DIP2C: variants seen among roughly 807,000 people sequenced by gnomAD.
DIP2C encodes disco-interacting protein 2 homolog C.
DIP2C carries 33 observed loss-of-function variants against 192.4 expected under a neutral mutation model. The observed-to-expected ratio is 0.17, with a 90% CI of 0.13 to 0.23. The LOEUF (loss-of-function observed/expected upper bound fraction) is 0.23. DIP2C is among the 10% of genes least tolerant of loss of function. DIP2C has a pLI of 1.00. For synonymous variants in DIP2C, 979 were observed against 864.1 expected (o/e 1.13, Z -2.33); for missense variants, 1,537 against 2,110.1 (o/e 0.73, Z 5.32).
At chr10:546,309 T>G (rs1180239420) in intron 1 of DIP2C, among the ~76,000 whole-genome samples, 1 of 151,868 alleles carries the variant, frequency 6.6e-6, no homozygotes, top group East Asian at 1.9e-4. Flanking sequence ...CAAATTTATT[T>G]TAAAATAATA....
rs145711330 is a variant in DIP2C at position 364,415 on chromosome 10, A to G, written c.2436T>C (p.Thr812=). ...ACTTCATGGGTTCTACGGCCAGCGC[A>G]GTGGCCACGATGTCGTCGGCGTTGT... ...RRHNADDIVA[T]ALAVEPMKFV... is the part of the protein sequence containing the mutation. The change falls in exon 20 of 37, where the codon ACT becomes ACC. Residue 812 remains threonine (T), a synonymous_variant. Transcript: ENST00000280886. 1.4e-4 allele frequency: 220 copies of G among 1,613,928 alleles called. No individual in the cohort carries two copies. The highest frequency in any genetic ancestry group is 1.6e-4 in the Non-Finnish European group (192 of 1,180,044).
At chr10:550,486 G>A (rs374089198) in intron 1 of DIP2C, among the ~76,000 whole-genome samples, 3 of 152,034 alleles carry the variant, frequency 2.0e-5, no homozygotes, top group Admixed American at 6.6e-5. Flanking sequence ...AGATCATCTC[G>A]GCATCTTTAT....
chr10:308,450 T>C (rs1451877978), intron 32 of DIP2C, among the ~76,000 whole-genome samples: 1 of 149,664 alleles, frequency 6.7e-6, no homozygotes, highest in East Asian at 1.9e-4. Context: ...ACTGCATACA[T>C]GTGTTATTGA....
At chr10:459,760 C>CCA (rs1969605292) in intron 3 of DIP2C, among the ~76,000 whole-genome samples, 1 of 143,542 alleles carries the variant, frequency 7.0e-6, no homozygotes, top group African/African-American at 2.6e-5. Flanking sequence ...GATCTTCCTC[C>CCA]CAGTCACATC....
chr10:438,087 GTTT>G (rs762906093), intron 4 of DIP2C, among the ~76,000 whole-genome samples: 6 of 152,118 alleles, frequency 3.9e-5, no homozygotes, highest in African/African-American at 1.2e-4. Context: ...TTTACAGAAG[GTTT>G]TTTATGGTTT....
At chr10:396,296 GA>G (rs1256941433) in intron 10 of DIP2C, among the ~76,000 whole-genome samples, 1 of 152,142 alleles carries the variant, frequency 6.6e-6, no homozygotes, top group Non-Finnish European at 1.5e-5. Flanking sequence ...GAGATAATAG[GA>G]TGGCATTTCT....
chr10:629,291 C>T (rs1191748681), intron 1 of DIP2C, among the ~76,000 whole-genome samples: 2 of 152,146 alleles, frequency 1.3e-5, no homozygotes, highest in Non-Finnish European at 2.9e-5. Flanking sequence ...GACAAAACTG[C>T]TCCAGAGCCA....
At chr10:672,277 G>A (rs979772231) in intron 1 of DIP2C, among the ~76,000 whole-genome samples, 2 of 151,948 alleles carry the variant, frequency 1.3e-5, no homozygotes, top group African/African-American at 2.4e-5. Context: ...AGGCACGCAC[G>A]GAGAAAACAG....
At chr10:441,407 C>A (rs7915551) in intron 3 of DIP2C, among the ~76,000 whole-genome samples, 24,236 of 152,144 alleles carry the variant, frequency 0.16, 5,000 homozygotes, top group African/African-American at 0.48. Flanking sequence ...GCACCAGCCA[C>A]AGGCCAGGAC....
At chr10:658,977 C>T (rs556194921) in intron 1 of DIP2C, among the ~76,000 whole-genome samples, 52 of 152,184 alleles carry the variant, frequency 3.4e-4, no homozygotes, top group East Asian at 1.5e-3. Flanking sequence ...CACACACATG[C>T]GCACACACAC....
chr10:510,413 T>G (rs1211545850), intron 1 of DIP2C, among the ~76,000 whole-genome samples: 1 of 152,226 alleles, frequency 6.6e-6, no homozygotes, highest in African/African-American at 2.4e-5. Context: ...ATATTTAGCC[T>G]GAACGTGCAC....
intron 1 of DIP2C, among the ~76,000 whole-genome samples, chr10:603,924 C>G (rs888318703): frequency 6.0e-5 from 9 of 150,722 alleles, no homozygotes; most frequent in Non-Finnish European, 4.4e-5. Flanking sequence ...CTCAGCCCCA[C>G]ACCCCTCCGG....
chr10:526,015 G>T (rs761518031), intron 1 of DIP2C, among the ~76,000 whole-genome samples: 1 of 152,188 alleles, frequency 6.6e-6, no homozygotes. Context: ...CTTCTGCAAC[G>T]CCTGGCGTGG....
At chr10:412,672 G>GAGC (rs1338077516) in intron 8 of DIP2C, among the ~76,000 whole-genome samples, 3 of 152,146 alleles carry the variant, frequency 2.0e-5, no homozygotes, top group African/African-American at 7.2e-5. Context: ...CTGCCTCCCA[G>GAGC]AGCCCCACCC....
At position 377,410 on chromosome 10, in the gene DIP2C, C is replaced by T. The variant is rs571786596; in HGVS notation, c.1991+5237G>A. 2.0e-4 allele frequency among the ~76,000 whole-genome samples: 30 copies of T among 152,254 alleles called. No homozygotes were observed. The South Asian group carries it at 3.7e-3, about 19-fold the overall frequency. Reference sequence around the variant, plus strand: ...AAAACAGAACACACTGTAAAACGCACGTGGTTGGGTGAAATTAAACAGGAA... The same window carrying T: ...AAAACAGAACACACTGTAAAACGCATGTGGTTGGGTGAAATTAAACAGGAA... On this transcript the variant is annotated intron_variant, in intron 17 of 36. Coordinates refer to ENST00000280886, the MANE Select transcript of DIP2C (RefSeq NM_014974.3).
In DIP2C at chr10:364,525, C is replaced by T; in HGVS notation, c.2326G>A (p.Gly776Ser). 1.2e-6 allele frequency: 2 copies of T among 1,614,174 alleles called. No individual in the cohort carries two copies. The highest frequency in any genetic ancestry group is 1.3e-5 in the African/African-American group (1 of 75,032). Reference sequence around the variant, plus strand: ...CCGGGACCCACGAACCCCAGCAAGCCTGTCCTTATGAATGGGTATTCACTG... The same window carrying T: ...CCGGGACCCACGAACCCCAGCAAGCTTGTCCTTATGAATGGGTATTCACTG... ...PISEYPFIRT[G>S]LLGFVGPGGL... The change falls in exon 20 of 37, where the codon GGC becomes AGC. Residue 776 changes from glycine (G) to serine (S), a missense_variant. Gly to Ser is a moderately conservative substitution (Grantham distance 56). Around this residue, in one of 4 missense-constraint regions of DIP2C, gnomAD observed 677 missense variants for 989.9 expected, o/e 0.68. Transcript: ENST00000280886.
At chr10:566,679 G>A (rs770395677) in intron 1 of DIP2C, among the ~76,000 whole-genome samples, 4 of 152,230 alleles carry the variant, frequency 2.6e-5, no homozygotes, top group Non-Finnish European at 5.9e-5. Context: ...TGGGTCTCTC[G>A]CCATGGAGGC....
chr10:378,799 G>A (rs933886058), intron 17 of DIP2C, among the ~76,000 whole-genome samples: 3 of 118,278 alleles, frequency 2.5e-5, no homozygotes, highest in African/African-American at 1.0e-4. Context: ...CCATGGACAT[G>A]CATAAAGACA....
chr10:418,638 C>G (rs529865970), intron 6 of DIP2C, among the ~76,000 whole-genome samples: 26 of 152,328 alleles, frequency 1.7e-4, no homozygotes, highest in Middle Eastern at 3.4e-3. Flanking sequence ...GACCCTCTTT[C>G]CTCCAAAGTC....
Sources: gnomAD v4.1 joint callset for allele counts (sites outside exome capture counted in the v4.1 genomes callset) on GRCh38, gnomAD v4.1.1 for gene constraint, gnomAD v4.1.1 regional missense constraint, MANE v1.5 for transcripts, NCBI Gene and HGNC (gene_info 2026-07-23, HGNC 2026-07-21) for gene names.